Variants in TBC1D22A observed in about 807,000 individuals in gnomAD.
TBC1D22A encodes the protein putative GTPase activator.
In TBC1D22A, 38 loss-of-function variants were observed where a neutral mutation model predicts 60.2. That is an observed-to-expected ratio of 0.63 (90% CI 0.49 to 0.83). TBC1D22A has a LOEUF of 0.83. Ranked by LOEUF, TBC1D22A falls within the 40% of genes least tolerant of loss-of-function variation. TBC1D22A has a pLI of 0.00. For missense variants in TBC1D22A, 628 were observed against 701.0 expected, an observed-to-expected ratio of 0.90 and a Z score of 1.18; for synonymous variants, 302 against 281.7, an observed-to-expected ratio of 1.07 and a Z score of -0.72.
intron 10 of TBC1D22A, among the ~76,000 whole-genome samples, chr22:47,029,228 TG>T (rs11381626): frequency 1.7e-5 from 1 of 59,198 alleles, no homozygotes; most frequent in South Asian, 3.9e-4. Flanking sequence ...CCCCTTCCCA[TG>T]GGCCCAGGGA....
chr22:46,881,096 G>A (rs1331268033), intron 5 of TBC1D22A, among the ~76,000 whole-genome samples: 1 of 152,080 alleles, frequency 6.6e-6, no homozygotes, highest in African/African-American at 2.4e-5. Flanking sequence ...TGGGGTAGAG[G>A]GGCCCAAGAG....
intron 8 of TBC1D22A, among the ~76,000 whole-genome samples, chr22:46,952,615 G>A (rs985460785): frequency 6.6e-6 from 1 of 152,178 alleles, no homozygotes; most frequent in Non-Finnish European, 1.5e-5. Context: ...CCACTCCCTT[G>A]TATCCACCTG....
chr22:47,018,114 C>T (rs1045946392), intron 10 of TBC1D22A, among the ~76,000 whole-genome samples: 2 of 152,234 alleles, frequency 1.3e-5, no homozygotes, highest in Admixed American at 6.5e-5. Flanking sequence ...GAGGCCTGTG[C>T]CAGGCGTGGG....
rs2087045346 is a variant in TBC1D22A at position 46,847,287 on chromosome 22, C to T, written c.638-31366C>T. On this transcript the variant is annotated intron_variant, in intron 4 of 12. Transcript: ENST00000337137. ...AGACCTGGGAGGCAGGAGGCCTGGC[C>T]TCAGGTGTCCTGGAGAGTTGTAAAG... 3.3e-5 allele frequency among the ~76,000 whole-genome samples: 5 copies of T among 152,318 alleles called. No homozygotes were observed. In the South Asian group the frequency reaches 1.0e-3, roughly 32 times the overall value.
intron 8 of TBC1D22A, among the ~76,000 whole-genome samples, chr22:46,956,212 G>GA (rs1157586865): frequency 1.3e-5 from 2 of 152,052 alleles, no homozygotes; most frequent in African/African-American, 4.8e-5. Context: ...TTGGAGATAG[G>GA]GTCTTTAAAG....
intron 11 of TBC1D22A, among the ~76,000 whole-genome samples, chr22:47,083,483 C>A (rs1005775256): frequency 3.9e-5 from 6 of 152,004 alleles, no homozygotes; most frequent in African/African-American, 1.2e-4. Flanking sequence ...GTACTTGGGA[C>A]AAAAGGAAAT....
intron 8 of TBC1D22A, among the ~76,000 whole-genome samples, chr22:46,971,800 C>T (rs1200045667): frequency 2.0e-5 from 3 of 152,374 alleles, no homozygotes. Flanking sequence ...AATTGGGAGA[C>T]AGGGCCTTTC....
At chr22:46,889,916 C>G (rs1412780679) in intron 5 of TBC1D22A, among the ~76,000 whole-genome samples, 1 of 152,200 alleles carries the variant, frequency 6.6e-6, no homozygotes, top group Non-Finnish European at 1.5e-5. Context: ...GCAGGAGTTA[C>G]ATAGCTGGAT....
chr22:46,972,861 G>C (rs573063033), intron 8 of TBC1D22A, among the ~76,000 whole-genome samples: 8 of 152,304 alleles, frequency 5.3e-5, no homozygotes, highest in East Asian at 1.9e-4. Flanking sequence ...GCACCCCAGA[G>C]AGAGGAGTGA....
At chr22:47,098,443 A>G (rs1384573705) in intron 11 of TBC1D22A, among the ~76,000 whole-genome samples, 2 of 152,172 alleles carry the variant, frequency 1.3e-5, no homozygotes, top group Non-Finnish European at 2.9e-5. Flanking sequence ...TGGCCTGTGC[A>G]TTGTGGGGCC....
intron 11 of TBC1D22A, among the ~76,000 whole-genome samples, chr22:47,053,145 C>G (rs1167587469): frequency 1.3e-5 from 2 of 152,156 alleles, no homozygotes; most frequent in Admixed American, 1.3e-4. Flanking sequence ...AGCCCAGGGC[C>G]TCACTGCTTC....
intron 8 of TBC1D22A, among the ~76,000 whole-genome samples, chr22:46,945,624 G>C (rs746176263): frequency 2.6e-5 from 4 of 152,192 alleles, no homozygotes; most frequent in Admixed American, 6.5e-5. Context: ...GGTTAAGGCT[G>C]TGTCCTGGGG....
At chr22:46,984,967 G>A (rs1293788739) in intron 9 of TBC1D22A, among the ~76,000 whole-genome samples, 1 of 152,208 alleles carries the variant, frequency 6.6e-6, no homozygotes, top group Admixed American at 6.5e-5. Flanking sequence ...GGGGAGATGT[G>A]TGGCTTCTTA....
chr22:47,016,280 G>C (rs1603010830), intron 10 of TBC1D22A, among the ~76,000 whole-genome samples: 1 of 152,146 alleles, frequency 6.6e-6, no homozygotes, highest in African/African-American at 2.4e-5. Flanking sequence ...AGGCAGCCTG[G>C]CAGGGTAGCC....
chr22:46,904,099 CT>C (rs1569199151), intron 7 of TBC1D22A, among the ~76,000 whole-genome samples: 98 of 40,696 alleles, frequency 2.4e-3, no homozygotes, highest in African/African-American at 5.5e-3. Context: ...TAAATAAAAT[CT>C]ATCTATCTAT....
intron 9 of TBC1D22A, among the ~76,000 whole-genome samples, chr22:46,979,201 A>C (rs1220033054): frequency 1.3e-5 from 2 of 152,188 alleles, no homozygotes; most frequent in Non-Finnish European, 2.9e-5. Context: ...TCGTATGATC[A>C]AATTTGTTAG....
chr22:46,848,722 A>C (rs532669384), intron 4 of TBC1D22A, among the ~76,000 whole-genome samples: 1 of 152,254 alleles, frequency 6.6e-6, no homozygotes, highest in Non-Finnish European at 1.5e-5. Flanking sequence ...TTCTGTTGCA[A>C]ATAGTCATAA....
intron 8 of TBC1D22A, among the ~76,000 whole-genome samples, chr22:46,949,187 C>T (rs1244321954): frequency 6.6e-6 from 1 of 151,724 alleles, no homozygotes; most frequent in Non-Finnish European, 1.5e-5. Flanking sequence ...TGTCTTCACA[C>T]CTGACCCTCA....
At chr22:46,805,767 A>T (rs2085099365) in intron 4 of TBC1D22A, among the ~76,000 whole-genome samples, 2 of 152,040 alleles carry the variant, frequency 1.3e-5, no homozygotes, top group Non-Finnish European at 2.9e-5. Context: ...ACAGAGATTG[A>T]TGTGTGTGTC....
Sources: allele counts gnomAD v4.1 joint callset (sites outside exome capture counted in the v4.1 genomes callset), GRCh38; gene constraint gnomAD v4.1.1; transcripts MANE v1.5; gene names NCBI Gene and HGNC (gene_info 2026-07-23, HGNC 2026-07-21).